STK11IP: variants seen among roughly 807,000 people sequenced by gnomAD.
STK11IP encodes serine/threonine kinase 11 interacting protein, also known as serine/threonine-protein kinase 11-interacting protein.
Under a neutral mutation model 131.7 loss-of-function variants are expected in STK11IP, and 103 were observed. That is an observed-to-expected ratio of 0.78 (90% CI 0.67 to 0.92). The LOEUF (loss-of-function observed/expected upper bound fraction) is 0.92, where lower values mean the gene tolerates loss of function less well. STK11IP is among the 40% of genes least tolerant of loss of function. The probability of loss-of-function intolerance (pLI) is 0.00; values close to 1 mark genes in which losing one functional copy is unlikely to be tolerated. For synonymous variants in STK11IP, 557 were observed against 575.6 expected, an observed-to-expected ratio of 0.97 and a Z score of 0.46; for missense variants, 1,315 against 1,385.7, an observed-to-expected ratio of 0.95 and a Z score of 0.81.
At position 219,607,983 on chromosome 2, in the gene STK11IP, T is replaced by G. The variant is rs1486003048; in HGVS notation, c.1220-64T>G. 8.3e-6 allele frequency: 13 copies of G among 1,559,410 alleles called. No individual in the cohort carries two copies. The East Asian group carries it at 1.4e-4, about 16-fold the overall frequency. ...CCCCCTCATCGCTGAGGAGCACCGT[T>G]GAAGGATTTGGGGCCATCTGTGTGG... On this transcript the variant is annotated intron_variant, in intron 13 of 24. Coordinates refer to ENST00000456909, the MANE Select transcript of STK11IP (RefSeq NM_052902.4).
At chr2:219,598,351 CTG>C (rs1697868576) in intron 2 of STK11IP, 171 bp downstream of exon 2, 1 of 528,048 alleles carries the variant, frequency 1.9e-6, no homozygotes, top group African/African-American at 2.0e-5. Flanking sequence ...TGTCCTTTGC[CTG>C]TGATAGCCTA....
chr2:219,613,623 G>C, intron 20 of STK11IP, 129 bp from the exon 21 acceptor site: 1 of 1,008,456 alleles, frequency 9.9e-7, no homozygotes, highest in Non-Finnish European at 1.5e-6. Flanking sequence ...GGAATGAGGG[G>C]GAAGATGGGG....
chr2:219,611,813 G>C lies in STK11IP; in HGVS notation c.2314G>C (p.Gly772Arg), dbSNP rs781208565. 69 of 1,612,600 alleles carry C rather than the reference G, an allele frequency of 4.3e-5. No individual in the cohort carries two copies. Among genetic ancestry groups the C allele is most frequent in the Non-Finnish European group, 5.7e-5 (67 of 1,179,666 alleles). Reference sequence around the variant, plus strand: ...TCAGGCACCGAGCACCCGTGACCATGGTAGTTGGAGCCTCAGTCCCCGTGA... The same window carrying C: ...TCAGGCACCGAGCACCCGTGACCATCGTAGTTGGAGCCTCAGTCCCCGTGA... ...PPQAPSTRDH[G>R]SWSLSPPPER... Residue 772 changes from glycine (G) to arginine (R), a missense_variant, in exon 18 of 25, where the codon GGT (glycine) becomes CGT (arginine). Transcript: ENST00000456909.
In STK11IP at chr2:219,609,187, G is replaced by A. The variant is rs991593019; in HGVS notation, c.1900G>A (p.Glu634Lys). 8 of 1,608,392 alleles carry A rather than the reference G, an allele frequency of 5.0e-6. No homozygotes were observed. Among genetic ancestry groups the A allele is most frequent in the Non-Finnish European group, 5.9e-6 (7 of 1,177,618 alleles). ...DRQLRRYLVL[E>K]PDAHAAVQEL... ...GCAGTTGCGTCGCTATTTGGTGCTG[G>A]AGCCTGATGCCCACGCAGCTGTCCA... Residue 634 changes from glutamate to lysine, a missense_variant, in exon 16 of 25, where the codon GAG (glutamate) becomes AAG (lysine). Transcript: ENST00000456909.
In STK11IP at chr2:219,605,739, G is replaced by A. The variant is rs374724793; in HGVS notation, c.745+5G>A. 1.3e-6 allele frequency: 2 copies of A among 1,597,130 alleles called. No individual in the cohort carries two copies. The highest frequency in any genetic ancestry group is 1.3e-5 in the African/African-American group (1 of 74,734). ...ATGAGCTTCGGAGCCTGCATGGTGA[G>A]TGGGGGTGTGTGATGGGGCAAGCAT... is the stretch of plus-strand genomic sequence containing the variant. On this transcript the variant is annotated splice_donor_5th_base_variant and intron_variant, in intron 8 of 24. Coordinates refer to ENST00000456909, the MANE Select transcript of STK11IP (RefSeq NM_052902.4).
At chr2:219,614,920 T>G (rs1176105604) in intron 23 of STK11IP, 174 bp from the exon 24 acceptor site, 2 of 750,148 alleles carry the variant, frequency 2.7e-6, no homozygotes, top group Non-Finnish European at 4.2e-6. Flanking sequence ...TATTCCAGAG[T>G]AGAGATTCAT....
intron 12 of STK11IP, 96 bp from the exon 13 acceptor site, chr2:219,606,957 G>T: frequency 6.3e-7 from 1 of 1,595,326 alleles, no homozygotes; most frequent in Non-Finnish European, 8.6e-7. Context: ...GTGCTTGCAC[G>T]TGGTCAAGGT....
intron 2 of STK11IP, among the ~76,000 whole-genome samples, chr2:219,600,760 AAG>A (rs1317549369): frequency 6.6e-6 from 1 of 152,198 alleles, no homozygotes; most frequent in East Asian, 1.9e-4. Context: ...CAATCAGAAA[AAG>A]AAAGAAAGAT....
Position 219,606,758 on chromosome 2 carries a change from G to A in STK11IP, c.1034G>A (p.Trp345Ter), listed in dbSNP as rs1559180573. Reference protein sequence around the residue: ...GLSPMGPPLPWPVGSTPETSG... With the variant: ...GLSPMGPPLP Reference sequence around the variant, plus strand: ...AGCCCCATGGGCCCACCTTTGCCCTGGCCAGTGGGGAGTACTCCTGAAACC... The same window carrying A: ...AGCCCCATGGGCCCACCTTTGCCCTAGCCAGTGGGGAGTACTCCTGAAACC... Residue 345 changes from tryptophan (W) to a stop codon, truncating the protein, a stop_gained, in exon 12 of 25, where the codon TGG (tryptophan) becomes TAG (stop). Transcript: ENST00000456909. LOFTEE classifies it high-confidence loss of function. 1 of 1,613,624 alleles carries A rather than the reference G, an allele frequency of 6.2e-7. No homozygotes were observed. Among genetic ancestry groups the A allele is most frequent in the Non-Finnish European group, 8.5e-7 (1 of 1,179,812 alleles).
In STK11IP at chr2:219,616,252, C is replaced by A; in HGVS notation, c.*59C>A. 1 of 1,551,878 alleles carries A rather than the reference C, an allele frequency of 6.4e-7. No individual in the cohort carries two copies. Among genetic ancestry groups the A allele is most frequent in the East Asian group, 2.3e-5 (1 of 43,748 alleles). On this transcript the variant is annotated 3_prime_UTR_variant, in exon 25 of 25. Coordinates refer to ENST00000456909, the MANE Select transcript of STK11IP (RefSeq NM_052902.4). ...AGCCACGCTGTAGACATTCCCTCTC[C>A]TGGTCTCTGGGTCTGGCTTCCAGGC... is the stretch of plus-strand genomic sequence containing the variant.
At chr2:219,614,681 G>C (rs1168220062) in intron 23 of STK11IP, 135 bp downstream of exon 23, 2 of 938,596 alleles carry the variant, frequency 2.1e-6, no homozygotes, top group Non-Finnish European at 3.4e-6. Context: ...CCTCTCACTT[G>C]AGGGCATAGC....
At chr2:219,610,403 T>C (rs1172218454) in intron 17 of STK11IP, among the ~76,000 whole-genome samples, 1 of 152,136 alleles carries the variant, frequency 6.6e-6, no homozygotes, top group Non-Finnish European at 1.5e-5. Context: ...CTTTAATTTT[T>C]TTTTTTCTTT....
Position 219,615,250 on chromosome 2 carries a change from G to T in STK11IP, c.3026G>T (p.Arg1009Leu). 6.3e-7 allele frequency: 1 copy of T among 1,596,978 alleles called. No homozygotes were observed. Residue 1009 changes from arginine to leucine, a missense_variant, in exon 24 of 25, where the codon CGT (arginine) becomes CTT (leucine). By Grantham distance (102) the Arg-to-Leu change is moderately radical. Coordinates refer to ENST00000456909, the MANE Select transcript of STK11IP (RefSeq NM_052902.4). ...VPPSGPGPAV[R>L]VREQQPLSSL... ...CCCTCGGGGCCGGGCCCTGCTGTGC[G>T]TGTCAGGGAGCAGCAGCCACTCAGC...
chr2:219,600,537 A>G (rs1478595647), intron 2 of STK11IP, among the ~76,000 whole-genome samples: 1 of 152,214 alleles, frequency 6.6e-6, no homozygotes, highest in Non-Finnish European at 1.5e-5. Flanking sequence ...TTTTTAAGCC[A>G]AAAAAGCATT....
intron 19 of STK11IP, 24 bp from the exon 20 acceptor site, chr2:219,613,104 C>T (rs1698445220): frequency 6.2e-7 from 1 of 1,604,212 alleles, no homozygotes; most frequent in Non-Finnish European, 8.5e-7. Context: ...CATCAGGTTT[C>T]TCACCAACTT....
rs2106156918 is a variant in STK11IP at position 219,607,917 on chromosome 2, C to T, written c.1220-130C>T. On this transcript the variant is annotated intron_variant, in intron 13 of 24. Coordinates refer to ENST00000456909, the MANE Select transcript of STK11IP (RefSeq NM_052902.4). ...TTAGTACATGCCGCGGAGGGGACGC[C>T]TGTAGCCTCCCTTGCCCGTGTCCCC... 3 of 1,266,210 alleles carry T rather than the reference C, an allele frequency of 2.4e-6. No individual in the cohort carries two copies. In the East Asian group the frequency reaches 7.5e-5, roughly 32 times the overall value. The allele number at this position is 1,266,210 out of a possible 1,614,324, so 78.4% of individuals were successfully genotyped here. A position where few individuals can be genotyped will look rare whatever the true frequency, so the allele number is the denominator to read the frequency against.
Position 219,605,994 on chromosome 2 carries a change from G to A in STK11IP, c.784G>A (p.Ala262Thr). 6.2e-7 allele frequency: 1 copy of A among 1,609,358 alleles called. No homozygotes were observed. Among genetic ancestry groups the A allele is most frequent in the Non-Finnish European group, 8.5e-7 (1 of 1,177,990 alleles). Reference sequence around the variant, plus strand: ...GAGGAATCTGCGGCACCTGGATTTGGCATACAACCTGCTGGAAGGACACCG... The same window carrying A: ...GAGGAATCTGCGGCACCTGGATTTGACATACAACCTGCTGGAAGGACACCG... The part of the protein sequence containing the change: ...QLRNLRHLDL[A>T]YNLLEGHREL... Residue 262 changes from alanine (A) to threonine (T), a missense_variant, in exon 9 of 25, where the codon GCA (alanine) becomes ACA (threonine). Transcript: ENST00000456909.
chr2:219,614,240 C>G lies in STK11IP; in HGVS notation c.2796C>G (p.Leu932=). Residue 932 remains leucine (L), a splice_region_variant and synonymous_variant, in exon 22 of 25, where the codon CTC becomes CTG. Transcript: ENST00000456909. ...AGGAGGTCACCCCCCAGCACCGGCT[C>G]TGGTGAGTCGATAGGAGGCAGAGGC... ...TEEEVTPQHR[L]WPLLEKDSSL... is the part of the protein sequence containing the mutation. 1 of 1,613,308 alleles carries G rather than the reference C, an allele frequency of 6.2e-7. No homozygotes were observed. The highest frequency in any genetic ancestry group is 8.5e-7 in the Non-Finnish European group (1 of 1,179,750).
rs746111529 is a variant in STK11IP, at chr2:219,606,531, G to A, written c.987+14G>A. The stretch of plus-strand genomic sequence containing the variant: ...ACAGATTTTCAGGTCGGTGTGGTTG[G>A]GGGGCGAGGACTGTTGGGGGAAGAC... On this transcript the variant is annotated intron_variant, in intron 11 of 24. Transcript: ENST00000456909. The A allele has an allele frequency of 2.5e-6, 4 of 1,612,824 alleles. No homozygotes were observed. Among genetic ancestry groups the A allele is most frequent in the Non-Finnish European group, 3.4e-6 (4 of 1,179,412 alleles).
Sources: gnomAD v4.1 joint callset for allele counts (sites outside exome capture counted in the v4.1 genomes callset) on GRCh38, gnomAD v4.1.1 for gene constraint, MANE v1.5 for transcripts, NCBI Gene and HGNC (gene_info 2026-07-23, HGNC 2026-07-21) for gene names.